The following TMEM117 variants were observed in gnomAD, a reference collection of about 807,000 sequenced individuals.
TMEM117 encodes the protein transmembrane protein 117.
Under a neutral mutation model 52.4 loss-of-function variants are expected in TMEM117, and 27 were observed. The observed-to-expected ratio is 0.51, with a 90% CI of 0.38 to 0.71. The LOEUF (loss-of-function observed/expected upper bound fraction) is 0.71, where lower values mean the gene tolerates loss of function less well. TMEM117 is among the 30% of genes least tolerant of loss of function. The pLI, the probability that TMEM117 is intolerant of heterozygous loss-of-function variation, is 0.00. For missense variants in TMEM117, 556 were observed against 630.5 expected, an observed-to-expected ratio of 0.88 and a Z score of 1.26; for synonymous variants, 215 against 206.3, an observed-to-expected ratio of 1.04 and a Z score of -0.36.
intron 3 of TMEM117, among the ~76,000 whole-genome samples, chr12:44,022,437 A>G (rs1442628282): frequency 6.6e-6 from 1 of 152,206 alleles, no homozygotes; most frequent in African/African-American, 2.4e-5. Flanking sequence ...TAACCGTCAA[A>G]TGAGGATAAC....
intron 4 of TMEM117, among the ~76,000 whole-genome samples, chr12:44,163,488 G>T (rs545686906): frequency 1.3e-5 from 2 of 152,304 alleles, no homozygotes; most frequent in South Asian, 4.1e-4. Flanking sequence ...TCAGGTGACA[G>T]ACTTACCTAA....
At chr12:44,060,466 A>G (rs1947122817) in intron 3 of TMEM117, among the ~76,000 whole-genome samples, 1 of 152,116 alleles carries the variant, frequency 6.6e-6, no homozygotes, top group Non-Finnish European at 1.5e-5. Flanking sequence ...AGTTTAACCT[A>G]GTGTTTCTGG....
intron 6 of TMEM117, among the ~76,000 whole-genome samples, chr12:44,356,952 A>T (rs1279509876): frequency 6.6e-6 from 1 of 152,158 alleles, no homozygotes; most frequent in Admixed American, 6.6e-5. Flanking sequence ...GCTTCATTGC[A>T]TGGGGCATAA....
chr12:43,965,864 G>A (rs1565772842), intron 3 of TMEM117, among the ~76,000 whole-genome samples: 1 of 152,134 alleles, frequency 6.6e-6, no homozygotes. Context: ...AGTGAGCGTA[G>A]TAACCAATAG....
intron 3 of TMEM117, among the ~76,000 whole-genome samples, chr12:44,091,985 C>T (rs1947680601): frequency 6.6e-6 from 1 of 152,078 alleles, no homozygotes; most frequent in Admixed American, 6.6e-5. Context: ...TAATGATAAG[C>T]CATATGATTT....
downstream of TMEM117, among the ~76,000 whole-genome samples, chr12:44,392,629 CGTCATTT>C (rs1387574902): frequency 6.6e-6 from 1 of 151,550 alleles, no homozygotes. Flanking sequence ...CCCATTAACT[CGTCATTT>C]AACATTAGGC....
chr12:43,885,472 T>TC (rs1943976948), intron 2 of TMEM117, among the ~76,000 whole-genome samples: 1 of 150,578 alleles, frequency 6.6e-6, no homozygotes, highest in Non-Finnish European at 1.5e-5. Flanking sequence ...AGAACTTTTT[T>TC]TAAAAAAACA....
At chr12:44,343,016 G>T (rs1341618726) in intron 6 of TMEM117, among the ~76,000 whole-genome samples, 1 of 151,806 alleles carries the variant, frequency 6.6e-6, no homozygotes, top group Non-Finnish European at 1.5e-5. Context: ...CTCCCGAGTA[G>T]CTGGGTTTAC....
chr12:44,207,901 C>G (rs140698689), intron 4 of TMEM117, among the ~76,000 whole-genome samples: 16 of 152,122 alleles, frequency 1.1e-4, no homozygotes, highest in Non-Finnish European at 2.1e-4. Flanking sequence ...TGTGACCTTG[C>G]TCTGTTATTT....
At chr12:44,131,542 G>A (rs2138168967) in intron 3 of TMEM117, among the ~76,000 whole-genome samples, 1 of 152,034 alleles carries the variant, frequency 6.6e-6, no homozygotes, top group East Asian at 1.9e-4. Context: ...ATCCTTACTA[G>A]TTTTTGTCTG....
At chr12:43,797,578 G>GA in the TMEM117 span, 1,039 of 1,410,542 alleles carry the variant, frequency 7.4e-4, 4 homozygotes, top group African/African-American at 0.014. Flanking sequence ...TTTTCACAAT[G>GA]AACATTTACA....
At chr12:43,978,544 G>GTT (rs1171864556) in intron 3 of TMEM117, among the ~76,000 whole-genome samples, 1 of 152,090 alleles carries the variant, frequency 6.6e-6, no homozygotes, top group Non-Finnish European at 1.5e-5. Context: ...TCAGTAAAAG[G>GTT]TGTTAAAGCT....
intron 4 of TMEM117, among the ~76,000 whole-genome samples, chr12:44,200,319 C>T (rs778564778): frequency 4.6e-5 from 7 of 151,984 alleles, no homozygotes; most frequent in South Asian, 2.1e-4. Context: ...AGAGCTGAAA[C>T]GGTTTTATGT....
intron 6 of TMEM117, among the ~76,000 whole-genome samples, chr12:44,375,018 T>C (rs76158394): frequency 0.057 from 8,708 of 152,158 alleles, 269 homozygotes; most frequent in African/African-American, 0.076. Context: ...CTATTATTAT[T>C]ATCATTATTA....
At chr12:43,842,206 C>T (rs1219413486) in intron 1 of TMEM117, among the ~76,000 whole-genome samples, 1 of 152,156 alleles carries the variant, frequency 6.6e-6, no homozygotes, top group Non-Finnish European at 1.5e-5. Flanking sequence ...ACTACTTGCT[C>T]TGCTCTCTTT....
rs73286278 is a variant in TMEM117, at chr12:44,033,654, A to G, written c.410+89312A>G. ...GTGATTTGGATCTAAACATTTCCTC[A>G]ATGATGGTCATCAGGCTTTTGGATA... On this transcript the variant is annotated intron_variant, in intron 3 of 7. Transcript: ENST00000266534. Among the ~76,000 whole-genome samples the G allele has an allele frequency of 3.9e-3, 589 of 152,330 alleles. 6 individuals are homozygous for G. The highest frequency in any genetic ancestry group is 0.014 in the African/African-American group (565 of 41,584).
chr12:44,225,476 T>A (rs1949848870), intron 5 of TMEM117, among the ~76,000 whole-genome samples: 2 of 152,214 alleles, frequency 1.3e-5, no homozygotes, highest in Non-Finnish European at 2.9e-5. Context: ...GTATGTTTTT[T>A]TCTCTATGAA....
At chr12:44,243,460 TA>T (rs1224561068) in intron 5 of TMEM117, among the ~76,000 whole-genome samples, 1 of 151,898 alleles carries the variant, frequency 6.6e-6, no homozygotes, top group Non-Finnish European at 1.5e-5. Flanking sequence ...ATAACTAAAG[TA>T]TAAATGCATT....
intron 3 of TMEM117, among the ~76,000 whole-genome samples, chr12:44,023,156 T>A (rs371083964): frequency 2.2e-3 from 330 of 152,314 alleles, no homozygotes; most frequent in Non-Finnish European, 3.2e-3. Flanking sequence ...ACATGAACTC[T>A]TCATTTTTTA....
Sources: allele counts gnomAD v4.1 joint callset (sites outside exome capture counted in the v4.1 genomes callset), GRCh38; gene constraint gnomAD v4.1.1; transcripts MANE v1.5; gene names NCBI Gene and HGNC (gene_info 2026-07-23, HGNC 2026-07-21).